The following CYBA variants were observed in gnomAD, a reference collection of about 807,000 sequenced individuals.
CYBA encodes cytochrome b-245 alpha chain.
A neutral mutation model predicts 20.8 loss-of-function variants in CYBA; 21 were observed. The observed-to-expected ratio is 1.01, with a 90% CI of 0.72 to 1.46. The LOEUF (loss-of-function observed/expected upper bound fraction) is 1.46, where lower values mean the gene tolerates loss of function less well. Ranked by LOEUF, CYBA falls within the 40% of genes most tolerant of loss-of-function variation. CYBA has a pLI of 0.00. For missense variants in CYBA, 344 were observed against 287.0 expected, an observed-to-expected ratio of 1.20 and a Z score of -1.43; for synonymous variants, 164 against 127.5, an observed-to-expected ratio of 1.29 and a Z score of -1.93.
chr16:88,648,830 G>T (rs903490004), intron 1 of CYBA, among the ~76,000 whole-genome samples: 13 of 151,924 alleles, frequency 8.6e-5, no homozygotes, highest in African/African-American at 2.7e-4. Flanking sequence ...CATTGGCCAG[G>T]CTGGTCTCGA....
At chr16:88,648,223 C>CCCATCCCCACAGCACAG in intron 1 of CYBA, 109 bp from the exon 2 acceptor site, 1 of 979,918 alleles carries the variant, frequency 1.0e-6, no homozygotes, top group Non-Finnish European at 1.6e-6. Flanking sequence ...CTGCCCCCTA[C>CCCATCCCCACAGCACAG]CCATCCCCAC....
At chr16:88,650,468 G>A (rs1317690164) in intron 1 of CYBA, 1 of 461,326 alleles carries the variant, frequency 2.2e-6, no homozygotes. Flanking sequence ...CGCCTCCAGC[G>A]CAGACTCCAG....
rs778671805 is a variant in CYBA, at chr16:88,643,358, C to G, written c.583G>C (p.Val195Leu). Residue 195 changes from valine (V) to leucine (L), a missense_variant, in exon 6 of 6, where the codon GTG becomes CTG. Physicochemically the swap from Val to Leu is conservative, Grantham distance 32. Coordinates refer to ENST00000261623, the MANE Select transcript of CYBA (RefSeq NM_000101.4). This position sits in a 1 kb window ranked among gnomAD's most constrained non-coding sequence, Gnocchi z 4.3. ...VNPIPVTDEV[V>L] is the part of the protein sequence containing the mutation. ...AGGGCAGGTCCGGGGCGAGGTCACA[C>G]GACCTCGTCGGTCACCGGGATGGGG... is the stretch of plus-strand genomic sequence containing the variant. The G allele has an allele frequency of 2.6e-6, 4 of 1,522,888 alleles. No homozygotes were observed. The highest frequency in any genetic ancestry group is 2.6e-6 in the Non-Finnish European group (3 of 1,137,508). The allele number at this position is 1,522,888 out of a possible 1,614,324, so 94.3% of individuals were successfully genotyped here. A position where few individuals can be genotyped will look rare whatever the true frequency, so the allele number is the denominator to read the frequency against.
In CYBA at chr16:88,643,468, C is replaced by A; in HGVS notation, c.473G>T (p.Arg158Leu). 6.5e-7 allele frequency: 1 copy of A among 1,532,344 alleles called. No homozygotes were observed. The highest frequency in any genetic ancestry group is 8.7e-7 in the Non-Finnish European group (1 of 1,144,206). The allele number at this position is 1,532,344 out of a possible 1,614,324, so 94.9% of individuals were successfully genotyped here. Residue 158 changes from arginine to leucine, a missense_variant, in exon 6 of 6, where the codon CGG becomes CTG. Arg to Leu is a moderately radical substitution (Grantham distance 102, BLOSUM62 -2). Transcript: ENST00000261623. This position sits in a 1 kb window ranked among gnomAD's most constrained non-coding sequence, Gnocchi z 4.3. ...CTTCTTGCGGGCCTCGGCCGGGGGCCGCGGCGGGGGGTTGCTGGGCGGCTG... is the reference window on the plus strand; with the variant it reads ...CTTCTTGCGGGCCTCGGCCGGGGGCAGCGGCGGGGGGTTGCTGGGCGGCTG... The part of the protein sequence containing the change: ...IKQPPSNPPP[R>L]PPAEARKKPS...
intron 1 of CYBA, 62 bp from the exon 2 acceptor site, chr16:88,648,176 C>G: frequency 6.6e-7 from 1 of 1,505,130 alleles, no homozygotes; most frequent in Non-Finnish European, 9.0e-7. Flanking sequence ...GGCCACCCCC[C>G]TTCTCTACCT....
chr16:88,644,258 A>T (rs895132200), intron 5 of CYBA, among the ~76,000 whole-genome samples: 3 of 152,216 alleles, frequency 2.0e-5, no homozygotes, highest in African/African-American at 7.2e-5. Flanking sequence ...CTGACTCCAA[A>T]ACGGAAACAT....
At position 88,648,028 on chromosome 16, in the gene CYBA, C is replaced by G. The variant is rs1907351127; in HGVS notation, c.128+17G>C. The G allele has an allele frequency of 6.2e-7, 1 of 1,609,992 alleles. No homozygotes were observed. The highest frequency in any genetic ancestry group is 1.3e-5 in the African/African-American group (1 of 74,900). On this transcript the variant is annotated intron_variant, in intron 2 of 5. Transcript: ENST00000261623. Reference sequence around the variant, plus strand: ...CTGGGCGTTCCCCGCCCACCCCAGCCTCAGGTGGAAGGATACATGGAGTAG... The same window carrying G: ...CTGGGCGTTCCCCGCCCACCCCAGCGTCAGGTGGAAGGATACATGGAGTAG...
chr16:88,644,929 C>A, intron 5 of CYBA: 1 of 569,776 alleles, frequency 1.8e-6, no homozygotes, highest in Non-Finnish European at 3.1e-6. Flanking sequence ...AGCTCAAATC[C>A]ACAGTCAGAG....
At position 88,643,600 on chromosome 16, in the gene CYBA, C is replaced by A. The variant is rs1473601840; in HGVS notation, c.370-29G>T. On this transcript the variant is annotated intron_variant, in intron 5 of 5. Coordinates refer to ENST00000261623, the MANE Select transcript of CYBA (RefSeq NM_000101.4). The surrounding 1 kb of genome is among the most constrained non-coding windows in gnomAD (Gnocchi z 4.3). Reference sequence around the variant, plus strand: ...CGGGGCACTGAAGGGTTGAGCCGCGCCCCAGCGCCCGCCCTCCCTCCCTCC... The same window carrying A: ...CGGGGCACTGAAGGGTTGAGCCGCGACCCAGCGCCCGCCCTCCCTCCCTCC... 2.0e-6 allele frequency: 3 copies of A among 1,522,830 alleles called. No homozygotes were observed. The highest frequency in any genetic ancestry group is 2.6e-6 in the Non-Finnish European group (3 of 1,137,788). 94.3% of individuals were successfully genotyped at this position (1,522,830 alleles called of 1,614,324 possible). A position where few individuals can be genotyped will look rare whatever the true frequency, so the allele number is the denominator to read the frequency against.
Position 88,643,407 on chromosome 16 carries a change from T to TC in CYBA, c.533dup (p.Pro179ThrfsTer34), listed in dbSNP as rs144748313. On this transcript the variant is annotated frameshift_variant, in exon 6 of 6. Transcript: ENST00000261623. The surrounding 1 kb of genome is among the most constrained non-coding windows in gnomAD (Gnocchi z 4.3). ...GGTTGACCTGGGGACCTCCCGGGGG[T>TC]CCCCCCGCCGCCACCGCAGCCTCCT... 8.5e-6 allele frequency: 13 copies of TC among 1,525,000 alleles called. No individual in the cohort carries two copies. The East Asian group carries it at 3.0e-4, about 36-fold the overall frequency. 94.5% of individuals were successfully genotyped at this position (1,525,000 alleles called of 1,614,324 possible).
At chr16:88,645,939 T>C (rs1907260375) in intron 5 of CYBA, 177 bp downstream of exon 5, 1 of 614,248 alleles carries the variant, frequency 1.6e-6, no homozygotes, top group African/African-American at 1.8e-5. Flanking sequence ...ACGCCAAAAA[T>C]GGCAGCAGCA....
At chr16:88,649,801 G>A (rs1007911679) in intron 1 of CYBA, among the ~76,000 whole-genome samples, 1 of 152,206 alleles carries the variant, frequency 6.6e-6, no homozygotes, top group African/African-American at 2.4e-5. Flanking sequence ...CGGGCCAGGA[G>A]CCCCTGGAGG....
chr16:88,646,725 C>A (rs1256480338), intron 4 of CYBA, 30 bp downstream of exon 4: 1 of 1,598,870 alleles, frequency 6.3e-7, no homozygotes, highest in South Asian at 1.1e-5. Context: ...CCCTCCTGAG[C>A]CCTAGAGGGG....
intron 3 of CYBA, 113 bp from the exon 4 acceptor site, chr16:88,646,951 C>T: frequency 8.4e-7 from 1 of 1,196,476 alleles, no homozygotes; most frequent in Non-Finnish European, 1.2e-6. Flanking sequence ...CCACAAAACA[C>T]ACCGGGCAGG....
intron 5 of CYBA, chr16:88,645,508 C>T: frequency 2.9e-6 from 2 of 682,218 alleles, no homozygotes; most frequent in Non-Finnish European, 5.4e-6. Flanking sequence ...AGGTGGCCTG[C>T]AGCCGTCTGT....
chr16:88,650,898 T>A, intron 1 of CYBA, 58 bp downstream of exon 1: 1 of 1,523,918 alleles, frequency 6.6e-7, no homozygotes, highest in Non-Finnish European at 8.9e-7. Context: ...AGGTCCCGGC[T>A]GGGGTCTTGG....
intron 5 of CYBA, chr16:88,645,396 G>A (rs1020792138): frequency 1.6e-5 from 11 of 702,284 alleles, no homozygotes; most frequent in Admixed American, 1.2e-4. Context: ...GCAAGGGGAG[G>A]GCAGTTGCCT....
rs1907161417 is a variant in CYBA at position 88,643,513 on chromosome 16, TGCGGCC to T, written c.422_427del (p.Arg141_Pro142del). The T allele has an allele frequency of 6.5e-7, 1 of 1,534,548 alleles. No individual in the cohort carries two copies. On this transcript the variant is annotated inframe_deletion, in exon 6 of 6. Transcript: ENST00000261623. The surrounding 1 kb of genome is among the most constrained non-coding windows in gnomAD (Gnocchi z 4.3). ...CGGCTGCTTGATGGTGCCTCCGATC[TGCGGCC>T]GCTCCCGGGGCTTGGGCTCGATGGG...
intron 1 of CYBA, chr16:88,650,266 G>T (rs768098321): frequency 4.8e-6 from 2 of 414,724 alleles, no homozygotes; most frequent in South Asian, 3.4e-5. Context: ...TGCTGGGCCA[G>T]ACACTCCCTG....
Sources: allele counts gnomAD v4.1 joint callset (sites outside exome capture counted in the v4.1 genomes callset), GRCh38; gene constraint gnomAD v4.1.1; non-coding constraint Gnocchi (gnomAD v3.1); transcripts MANE v1.5; gene names NCBI Gene and HGNC (gene_info 2026-07-23, HGNC 2026-07-21).